The following CNTN5 variants were observed in gnomAD, a reference collection of about 807,000 sequenced individuals.
CNTN5 encodes contactin-5.
CNTN5 carries 77 observed loss-of-function variants against 129.1 expected under a neutral mutation model. The observed-to-expected ratio is 0.60, with a 90% CI of 0.50 to 0.72. The LOEUF is 0.72. Ranked by LOEUF, CNTN5 falls within the 30% of genes least tolerant of loss-of-function variation. The probability of loss-of-function intolerance (pLI) is 0.00; values close to 1 mark genes in which losing one functional copy is unlikely to be tolerated. For synonymous variants in CNTN5, 509 were observed against 465.6 expected, an observed-to-expected ratio of 1.09 and a Z score of -1.20; for missense variants, 1,478 against 1,328.8, an observed-to-expected ratio of 1.11 and a Z score of -1.75.
chr11:100,316,436 G>A (rs916110868), intron 21 of CNTN5, among the ~76,000 whole-genome samples: 4 of 152,074 alleles, frequency 2.6e-5, no homozygotes, highest in Non-Finnish European at 4.4e-5. Context: ...AAAGAAATAC[G>A]TTGGAACAAT....
intron 6 of CNTN5, among the ~76,000 whole-genome samples, chr11:99,873,524 C>A (rs1210812292): frequency 1.3e-5 from 2 of 152,040 alleles, no homozygotes; most frequent in Non-Finnish European, 2.9e-5. Context: ...ATCATCTTAA[C>A]ACCAGTCAGA....
intron 3 of CNTN5, among the ~76,000 whole-genome samples, chr11:99,725,339 A>G (rs1943301447): frequency 6.6e-6 from 1 of 152,144 alleles, no homozygotes. Flanking sequence ...TTTGAAAACT[A>G]TGATAGAGAG....
chr11:99,819,014 T>A (rs541505533), intron 3 of CNTN5, among the ~76,000 whole-genome samples: 3 of 151,614 alleles, frequency 2.0e-5, no homozygotes, highest in East Asian at 4.2e-4. Context: ...CACCTCATAC[T>A]ACATAATAAA....
chr11:100,172,385 T>C (rs1390337120), intron 13 of CNTN5, among the ~76,000 whole-genome samples: 2 of 152,046 alleles, frequency 1.3e-5, no homozygotes, highest in African/African-American at 4.8e-5. Flanking sequence ...ATTGTGTTAT[T>C]ATGATACTCA....
intron 2 of CNTN5, among the ~76,000 whole-genome samples, chr11:99,422,583 A>G (rs1942951345): frequency 7.1e-6 from 1 of 140,308 alleles, no homozygotes; most frequent in Admixed American, 7.3e-5. Flanking sequence ...TTATACTTTA[A>G]GTTCTAGGGT....
intron 3 of CNTN5, among the ~76,000 whole-genome samples, chr11:99,724,501 C>T (rs1266477446): frequency 1.3e-5 from 2 of 152,124 alleles, no homozygotes; most frequent in South Asian, 2.1e-4. Flanking sequence ...TTGTTCTAAG[C>T]CATTACATAT....
At chr11:99,462,360 C>CTTTT (rs72276833) in intron 2 of CNTN5, among the ~76,000 whole-genome samples, 10,266 of 124,868 alleles carry the variant, frequency 0.082, 461 homozygotes, top group East Asian at 0.13. Flanking sequence ...CTTTTCTTTT[C>CTTTT]TTTTTTTTTT....
chr11:99,819,178 G>A (rs1946689173), intron 3 of CNTN5, among the ~76,000 whole-genome samples: 2 of 150,356 alleles, frequency 1.3e-5, no homozygotes, highest in Admixed American at 1.3e-4. Flanking sequence ...AAATTTTCCT[G>A]ACAAAGTATA....
At chr11:99,801,123 C>T (rs1946101152) in intron 3 of CNTN5, among the ~76,000 whole-genome samples, 1 of 152,120 alleles carries the variant, frequency 6.6e-6, no homozygotes. Context: ...ACAAGGCTGG[C>T]CTAGTGCTAA....
chr11:99,969,762 A>G (rs1372344026), intron 8 of CNTN5, among the ~76,000 whole-genome samples: 1 of 152,104 alleles, frequency 6.6e-6, no homozygotes, highest in Non-Finnish European at 1.5e-5. Flanking sequence ...CCCCCAAATC[A>G]GTCATTCCAT....
intron 3 of CNTN5, among the ~76,000 whole-genome samples, chr11:99,755,772 T>G (rs954692194): frequency 2.0e-5 from 3 of 152,100 alleles, no homozygotes; most frequent in African/African-American, 7.2e-5. Context: ...TTTAATAGAT[T>G]ACTTCTAAGC....
intron 1 of CNTN5, among the ~76,000 whole-genome samples, chr11:99,208,015 T>G (rs1859569806): frequency 6.6e-6 from 1 of 152,214 alleles, no homozygotes; most frequent in Non-Finnish European, 1.5e-5. Context: ...TGTGTTTAAT[T>G]AGCTCAATCA....
At chr11:100,174,531 T>G (rs1947907174) in intron 13 of CNTN5, among the ~76,000 whole-genome samples, 1 of 152,082 alleles carries the variant, frequency 6.6e-6, no homozygotes, top group African/African-American at 2.4e-5. Context: ...AACATTGAAA[T>G]GAGAAGCCAA....
chr11:100,347,698 A>G (rs1655514549), intron 23 of CNTN5, among the ~76,000 whole-genome samples: 1 of 151,994 alleles, frequency 6.6e-6, no homozygotes, highest in Non-Finnish European at 1.5e-5. Flanking sequence ...GTGTCTCCCA[A>G]CTTCTATTCA....
chr11:100,256,241 C>T (rs1048477348), intron 17 of CNTN5, among the ~76,000 whole-genome samples: 2 of 152,142 alleles, frequency 1.3e-5, no homozygotes, highest in Non-Finnish European at 1.5e-5. Flanking sequence ...TAAAATCTTA[C>T]ATAACCATAG....
At chr11:100,041,396 C>T (rs991270971) in intron 9 of CNTN5, among the ~76,000 whole-genome samples, 13 of 152,190 alleles carry the variant, frequency 8.5e-5, no homozygotes, top group Non-Finnish European at 1.5e-4. Context: ...ATTGTCAACT[C>T]CAGGTCTACG....
At chr11:99,767,985 T>C (rs80141677) in intron 3 of CNTN5, among the ~76,000 whole-genome samples, 8,692 of 152,192 alleles carry the variant, frequency 0.057, 353 homozygotes, top group Middle Eastern at 0.13. Flanking sequence ...CAGCTTGTCA[T>C]CTGCTTCTAT....
At chr11:99,900,165 T>C (rs1258806853) in intron 6 of CNTN5, among the ~76,000 whole-genome samples, 1 of 150,214 alleles carries the variant, frequency 6.7e-6, no homozygotes, top group Non-Finnish European at 1.5e-5. Context: ...AACCAAACTT[T>C]TACTTCATTA....
At chr11:99,507,292 GC>G (rs1946661018) in intron 2 of CNTN5, among the ~76,000 whole-genome samples, 2 of 147,730 alleles carry the variant, frequency 1.4e-5, no homozygotes, top group Non-Finnish European at 3.0e-5. Flanking sequence ...CAGGAGAATC[GC>G]TTGAACCCGG....
Sources: allele counts gnomAD v4.1 joint callset (sites outside exome capture counted in the v4.1 genomes callset), GRCh38; gene constraint gnomAD v4.1.1; transcripts MANE v1.5; gene names NCBI Gene and HGNC (gene_info 2026-07-23, HGNC 2026-07-21).